KNTC1: variants seen among roughly 807,000 people sequenced by gnomAD.
KNTC1 encodes the protein kinetochore associated 1, also known as kinetochore-associated protein 1.
A neutral mutation model predicts 314.4 loss-of-function variants in KNTC1; 253 were observed. That is an observed-to-expected ratio of 0.80 (90% CI 0.73 to 0.89). The LOEUF is 0.89. KNTC1 is among the 40% of genes least tolerant of loss of function. The pLI is 0.00. For synonymous variants in KNTC1, 901 were observed against 901.4 expected (o/e 1.00, Z 0.01); for missense variants, 2,475 against 2,572.9 (o/e 0.96, Z 0.82).
intron 34 of KNTC1, among the ~76,000 whole-genome samples, chr12:122,583,272 C>CTACA (rs1868713970): frequency 6.6e-6 from 1 of 152,032 alleles, no homozygotes; most frequent in Non-Finnish European, 1.5e-5. Flanking sequence ...CCAGCCTGAG[C>CTACA]TACAGAGCAA....
chr12:122,542,216 T>G, intron 6 of KNTC1, 89 bp downstream of exon 6: 1 of 868,222 alleles, frequency 1.2e-6, no homozygotes, highest in Non-Finnish European at 1.7e-6. Flanking sequence ...GTACTCTCTT[T>G]AAGCTTATTT....
chr12:122,566,758 G>GTTT lies in KNTC1; in HGVS notation c.1605-1484_1605-1482dup, dbSNP rs35657504. Among the ~76,000 whole-genome samples the GTTT allele has an allele frequency of 1.2e-3, 114 of 92,424 alleles. 2 individuals are homozygous for GTTT. The highest frequency in any genetic ancestry group is 8.5e-3 in the Middle Eastern group (1 of 118). 60.6% of individuals were successfully genotyped at this position (92,424 alleles called of 152,430 possible). A position where few individuals can be genotyped will look rare whatever the true frequency, so the allele number is the denominator to read the frequency against. On this transcript the variant is annotated intron_variant, in intron 20 of 63. Coordinates refer to ENST00000333479, the MANE Select transcript of KNTC1 (RefSeq NM_014708.6). ...GGATTTTGCCATGTTGTCCAGGCTGGTTTTTTTTTTTTTTTTTTTTTGAGG... is the reference window on the plus strand; with the variant it reads ...GGATTTTGCCATGTTGTCCAGGCTGGTTTTTTTTTTTTTTTTTTTTTTTTGAGG...
chr12:122,575,957 G>A (rs952488853), intron 29 of KNTC1, 58 bp downstream of exon 29: 1 of 1,514,744 alleles, frequency 6.6e-7, no homozygotes, highest in African/African-American at 1.4e-5. Flanking sequence ...AATATGGAAA[G>A]CTTAATGAGG....
At chr12:122,571,380 G>A (rs945965077) in intron 24 of KNTC1, among the ~76,000 whole-genome samples, 2 of 151,380 alleles carry the variant, frequency 1.3e-5, no homozygotes, top group South Asian at 4.2e-4. Context: ...TCATTTTTGA[G>A]ACAAGGTCTC....
intron 16 of KNTC1, 71 bp from the exon 17 acceptor site, chr12:122,557,313 A>G: frequency 6.9e-7 from 1 of 1,452,702 alleles, no homozygotes; most frequent in East Asian, 2.3e-5. Context: ...CACTCAGCTT[A>G]CTCTGAGAAT....
In KNTC1 at chr12:122,613,339, A is replaced by G. The variant is rs151085519; in HGVS notation, c.5741+109A>G. ...AGAGCATAGTAGAGTAGCTGTGTGA[A>G]TACAGTTCTGTTGCCCTGAATATCC... On this transcript the variant is annotated intron_variant, in intron 54 of 63. Coordinates refer to ENST00000333479, the MANE Select transcript of KNTC1 (RefSeq NM_014708.6). 62 of 765,614 alleles carry G rather than the reference A, an allele frequency of 8.1e-5. No individual in the cohort carries two copies. In the African/African-American group the frequency reaches 9.6e-4, roughly 12 times the overall value. The allele number at this position is 765,614 out of a possible 1,614,324, so 47.4% of individuals were successfully genotyped here. A position where few individuals can be genotyped will look rare whatever the true frequency, so the allele number is the denominator to read the frequency against.
chr12:122,582,108 T>A (rs1476317140), intron 33 of KNTC1, among the ~76,000 whole-genome samples: 2 of 152,142 alleles, frequency 1.3e-5, no homozygotes, highest in Non-Finnish European at 2.9e-5. Flanking sequence ...CAGCTGTAAA[T>A]AGCTTTCTCT....
At chr12:122,607,468 A>G (rs1239497187) in intron 51 of KNTC1, among the ~76,000 whole-genome samples, 2 of 152,156 alleles carry the variant, frequency 1.3e-5, no homozygotes, top group East Asian at 1.9e-4. Context: ...CTGCCCTCCA[A>G]TTTGCGCTTG....
At chr12:122,568,697 A>G (rs1156237644) in intron 21 of KNTC1, among the ~76,000 whole-genome samples, 1 of 152,118 alleles carries the variant, frequency 6.6e-6, no homozygotes, top group Non-Finnish European at 1.5e-5. Flanking sequence ...GTAGCCGGGC[A>G]TGGTGGCACG....
At position 122,612,949 on chromosome 12, in the gene KNTC1, C is replaced by A. The variant is rs564659932; in HGVS notation, c.5623-163C>A. Reference sequence around the variant, plus strand: ...GAATGCCCCTTCAGGGGTCCATGGACCACATGTTAAGAACCACTGTTACAC... The same window carrying A: ...GAATGCCCCTTCAGGGGTCCATGGAACACATGTTAAGAACCACTGTTACAC... On this transcript the variant is annotated intron_variant, in intron 53 of 63. Coordinates refer to ENST00000333479, the MANE Select transcript of KNTC1 (RefSeq NM_014708.6). 11 of 590,094 alleles carry A rather than the reference C, an allele frequency of 1.9e-5. No individual in the cohort carries two copies. The East Asian group carries it at 3.1e-4, about 17-fold the overall frequency. 36.6% of individuals were successfully genotyped at this position (590,094 alleles called of 1,614,324 possible).
chr12:122,562,503 C>T, intron 19 of KNTC1, 135 bp from the exon 20 acceptor site: 1 of 595,454 alleles, frequency 1.7e-6, no homozygotes, highest in Non-Finnish European at 3.1e-6. Flanking sequence ...TAAAGGCAGT[C>T]CTATGGGAAT....
chr12:122,622,419 A>G (rs1874536927), intron 61 of KNTC1, 43 bp from the exon 62 acceptor site: 3 of 1,426,546 alleles, frequency 2.1e-6, no homozygotes, highest in East Asian at 4.7e-5. Flanking sequence ...TCTGATTCTA[A>G]TAGATTAGAA....
chr12:122,609,939 G>A (rs1872939892), intron 52 of KNTC1, among the ~76,000 whole-genome samples: 1 of 152,224 alleles, frequency 6.6e-6, no homozygotes, highest in African/African-American at 2.4e-5. Flanking sequence ...AATGATGCCT[G>A]GCACAGGCAT....
chr12:122,619,175 A>C (rs1366146660), intron 59 of KNTC1, among the ~76,000 whole-genome samples: 2 of 149,170 alleles, frequency 1.3e-5, no homozygotes, highest in Non-Finnish European at 3.0e-5. Flanking sequence ...CTCCCACCTC[A>C]GCCTCCTGAG....
intron 51 of KNTC1, among the ~76,000 whole-genome samples, chr12:122,607,502 T>C (rs1321005244): frequency 6.6e-6 from 1 of 152,194 alleles, no homozygotes; most frequent in Non-Finnish European, 1.5e-5. Flanking sequence ...CATGGTAATA[T>C]TCAAATTACT....
chr12:122,534,673 A>C lies in KNTC1; in HGVS notation c.139A>C (p.Asn47His). The C allele has an allele frequency of 6.2e-7, 1 of 1,608,178 alleles. No individual in the cohort carries two copies. The highest frequency in any genetic ancestry group is 8.5e-7 in the Non-Finnish European group (1 of 1,176,636). ...CTTTTCTCTCCCACAGGCCTCATTA[A>C]ATCCAAAGATACAGGCATGCAGCTT... Reference protein sequence around the residue: ...VKISSEKASLNPKIQACSLSD... With the variant: ...VKISSEKASLHPKIQACSLSD... Residue 47 changes from asparagine (N) to histidine (H), a missense_variant, in exon 3 of 64, where the codon AAT becomes CAT. Physicochemically the swap from Asn to His is moderately conservative, Grantham distance 68 (BLOSUM62 1). Coordinates refer to ENST00000333479, the MANE Select transcript of KNTC1 (RefSeq NM_014708.6).
intron 53 of KNTC1, among the ~76,000 whole-genome samples, chr12:122,611,929 T>TC (rs113198214): frequency 6.6e-6 from 1 of 152,000 alleles, no homozygotes; most frequent in African/African-American, 2.4e-5. Context: ...TTTTTTTTTT[T>TC]CTTGAGTATT....
chr12:122,531,071 A>AT (rs537618058), intron 2 of KNTC1, among the ~76,000 whole-genome samples: 2 of 151,134 alleles, frequency 1.3e-5, no homozygotes, highest in South Asian at 4.2e-4. Context: ...AATAAAAGAA[A>AT]TTTTTTTTCA....
rs757294714 is a variant in KNTC1 at position 122,546,225 on chromosome 12, A to G, written c.719A>G (p.Lys240Arg). The G allele has an allele frequency of 6.2e-7, 1 of 1,609,448 alleles. No individual in the cohort carries two copies. Among genetic ancestry groups the G allele is most frequent in the Non-Finnish European group, 8.5e-7 (1 of 1,175,950 alleles). The change falls in exon 9 of 64, where the codon AAA (lysine) becomes AGA (arginine). Residue 240 changes from lysine (K) to arginine (R), a missense_variant. Coordinates refer to ENST00000333479, the MANE Select transcript of KNTC1 (RefSeq NM_014708.6). Reference protein sequence around the residue: ...FSKWEPDSSKKGMTVKNLIDA... With the variant: ...FSKWEPDSSKRGMTVKNLIDA... ...AAATGGGAACCAGATTCTTCCAAGA[A>G]AGGAATGACAGTTAAGAACCTTATT...
Sources: allele counts gnomAD v4.1 joint callset (sites outside exome capture counted in the v4.1 genomes callset), GRCh38; gene constraint gnomAD v4.1.1; transcripts MANE v1.5; gene names NCBI Gene and HGNC (gene_info 2026-07-23, HGNC 2026-07-21).